The following MAPRE2 variants were observed in gnomAD, a reference collection of about 807,000 sequenced individuals.
MAPRE2 encodes the protein microtubule associated protein RP/EB family member 2, also known as microtubule-associated protein RP/EB family member 2.
Under a neutral mutation model 43.2 loss-of-function variants are expected in MAPRE2, and 13 were observed. That is an observed-to-expected ratio of 0.30 (90% CI 0.20 to 0.48). MAPRE2 has a LOEUF of 0.48. Among genes scored for constraint, MAPRE2 ranks in the 20% least tolerant of loss-of-function variants. The pLI is 0.99. For missense variants in MAPRE2, 161 were observed against 400.2 expected (o/e 0.40, Z 5.10); for synonymous variants, 135 against 148.8 (o/e 0.91, Z 0.68).
rs1371443837 is a variant in MAPRE2, at chr18:34,983,871, C to A, written c.-70+6792C>A. Reference sequence around the variant, plus strand: ...TCTCAAACTCCTGACTTCAAGTGATCCACCCGCCTCAGCCCCCTTAAGTGC... The same window carrying A: ...TCTCAAACTCCTGACTTCAAGTGATACACCCGCCTCAGCCCCCTTAAGTGC... On this transcript the variant is annotated intron_variant, in intron 1 of 7. Transcript: ENST00000413393. Among the ~76,000 whole-genome samples the A allele has an allele frequency of 7.2e-5, 11 of 152,104 alleles. 1 individual carries two copies. Among genetic ancestry groups the A allele is most frequent in the Admixed American group, 6.6e-4 (10 of 15,262 alleles).
intron 1 of MAPRE2, among the ~76,000 whole-genome samples, chr18:35,046,983 T>A (rs1481555166): frequency 6.6e-6 from 1 of 152,170 alleles, no homozygotes. Flanking sequence ...TCTGGTTCAT[T>A]ATGAAGCATC....
upstream of MAPRE2, among the ~76,000 whole-genome samples, chr18:35,038,755 A>G (rs1045450036): frequency 6.6e-6 from 1 of 152,150 alleles, no homozygotes; most frequent in African/African-American, 2.4e-5. Flanking sequence ...CTGATTTATG[A>G]GGAGAGGAAT....
In MAPRE2 at chr18:35,011,766, G is replaced by T. The variant is rs145476530; in HGVS notation, c.-8+6213G>T. ...AAGGAAAAAAACCACAGTTACTTTT[G>T]CACCAACCTAATAGAAAGGACTGGG... On this transcript the variant is annotated intron_variant, in intron 2 of 7. Transcript: ENST00000413393. Among the ~76,000 whole-genome samples, 351 of 152,284 alleles carry T rather than the reference G, an allele frequency of 2.3e-3. 3 individuals carry two copies. Among genetic ancestry groups the T allele is most frequent in the African/African-American group, 8.0e-3 (334 of 41,568 alleles).
At chr18:35,119,204 T>G (rs1909562038) in intron 4 of MAPRE2, among the ~76,000 whole-genome samples, 1 of 152,180 alleles carries the variant, frequency 6.6e-6, no homozygotes, top group Admixed American at 6.5e-5. Flanking sequence ...ACCTCCGTTC[T>G]TCTGGGTGGC....
chr18:35,050,149 G>GT (rs958913131), intron 1 of MAPRE2, among the ~76,000 whole-genome samples: 25 of 148,740 alleles, frequency 1.7e-4, no homozygotes, highest in South Asian at 2.1e-4. Context: ...ACCTTTTTAT[G>GT]TTTTTTTTTT....
In MAPRE2 at chr18:34,988,047, G is replaced by C. The variant is rs1220256919; in HGVS notation, c.-70+10968G>C. ...GTAAATTAGGTGGATCATAATTCCT[G>C]GCACTCAGATCACCAGCAAATCTCT... On this transcript the variant is annotated intron_variant, in intron 1 of 7. Coordinates refer to the MAPRE2 transcript ENST00000413393. Among the ~76,000 whole-genome samples the C allele has an allele frequency of 3.9e-5, 6 of 152,178 alleles. No homozygotes were observed. The East Asian group carries it at 9.6e-4, about 24-fold the overall frequency.
chr18:34,982,672 A>G (rs1343990486), intron 1 of MAPRE2, among the ~76,000 whole-genome samples: 1 of 152,228 alleles, frequency 6.6e-6, no homozygotes, highest in African/African-American at 2.4e-5. Context: ...GAATAGAATT[A>G]ATTGGTAAAT....
upstream of MAPRE2, among the ~76,000 whole-genome samples, chr18:35,040,250 C>T (rs1603392782): frequency 6.6e-6 from 1 of 152,184 alleles, no homozygotes; most frequent in Non-Finnish European, 1.5e-5. Context: ...GAGGACAGTA[C>T]TGAACATATG....
chr18:35,137,829 G>A (rs1029569106), intron 6 of MAPRE2, among the ~76,000 whole-genome samples: 1 of 152,194 alleles, frequency 6.6e-6, no homozygotes, highest in African/African-American at 2.4e-5. Flanking sequence ...TTATCTCGGG[G>A]CTGCAGGCAG....
intron 5 of MAPRE2, 22 bp downstream of exon 5, chr18:35,127,109 C>T (rs371890994): frequency 3.0e-5 from 49 of 1,613,678 alleles, no homozygotes; most frequent in African/African-American, 2.0e-4. Context: ...GCTCTGGCCA[C>T]GCCTCTAGGA....
At position 35,140,411 on chromosome 18, in the gene MAPRE2, C is replaced by T. The variant is rs978801933; in HGVS notation, c.*42C>T. On this transcript the variant is annotated 3_prime_UTR_variant, in exon 7 of 7. Coordinates refer to ENST00000300249, the MANE Select transcript of MAPRE2 (RefSeq NM_014268.4). ...TTGACACTTCCATTGTGTGTGGGAA[C>T]GTTTCTTCTGGAGAATTGGAACATG... 2.7e-5 allele frequency: 42 copies of T among 1,551,486 alleles called. No individual in the cohort carries two copies. Among genetic ancestry groups the T allele is most frequent in the Non-Finnish European group, 3.5e-5 (40 of 1,140,472 alleles).
At chr18:35,020,321 T>A (rs557545958) in intron 2 of MAPRE2, among the ~76,000 whole-genome samples, 1 of 152,136 alleles carries the variant, frequency 6.6e-6, no homozygotes. Flanking sequence ...TGGATGCTGA[T>A]GTGTTATTCT....
In MAPRE2 at chr18:35,081,064, G is replaced by A. The variant is rs1291787902; in HGVS notation, c.250+10742G>A. On this transcript the variant is annotated intron_variant, in intron 2 of 6. Transcript: ENST00000300249. The stretch of plus-strand genomic sequence containing the variant: ...TTTTCATTTCTTCTAGATTACATTT[G>A]TATGACAGCTCATGGAAGAACTTTA... Among the ~76,000 whole-genome samples the A allele has an allele frequency of 3.9e-5, 6 of 152,164 alleles. No individual in the cohort carries two copies. In the East Asian group the frequency reaches 1.2e-3, roughly 29 times the overall value.
At chr18:35,020,558 A>T (rs1413659225) in intron 2 of MAPRE2, among the ~76,000 whole-genome samples, 1 of 152,028 alleles carries the variant, frequency 6.6e-6, no homozygotes, top group African/African-American at 2.4e-5. Context: ...TGTCAAAAAA[A>T]AAAAAAATGT....
At chr18:34,982,227 A>G (rs2097016808) in intron 1 of MAPRE2, among the ~76,000 whole-genome samples, 1 of 152,112 alleles carries the variant, frequency 6.6e-6, no homozygotes, top group South Asian at 2.1e-4. Context: ...ACCAACCCCA[A>G]ACATGTTGAG....
chr18:35,014,366 C>T (rs556006063), intron 2 of MAPRE2, among the ~76,000 whole-genome samples: 12 of 148,850 alleles, frequency 8.1e-5, no homozygotes, highest in Admixed American at 2.7e-4. Flanking sequence ...TACAGTTGTG[C>T]TAGTCTCCCG....
rs559704575 is a variant in MAPRE2 at position 35,106,350 on chromosome 18, A to T, written c.610+4191A>T. 3.3e-3 allele frequency among the ~76,000 whole-genome samples: 390 copies of T among 119,088 alleles called. 1 individual carries two copies. Among genetic ancestry groups the T allele is most frequent in the African/African-American group, 0.021 (377 of 18,130 alleles). The allele number at this position is 119,088 out of a possible 152,430, so 78.1% of individuals were successfully genotyped here. ...AAAATTTCCTTAGGCCAATATTAAAATTAGCTTATGTCCTAACTATTATAC... is the reference window on the plus strand; with the variant it reads ...AAAATTTCCTTAGGCCAATATTAAATTTAGCTTATGTCCTAACTATTATAC... On this transcript the variant is annotated intron_variant, in intron 4 of 6. Transcript: ENST00000300249.
rs2097014706 is a variant in MAPRE2, at chr18:34,979,041, A to G, written c.-70+1962A>G. On this transcript the variant is annotated intron_variant, in intron 1 of 7. Transcript: ENST00000413393. ...GGCCAGCAGCAGCAGGCATTGCAAG[A>G]CAAGATGCCACTTTAACTACTTGGG... 2.0e-5 allele frequency among the ~76,000 whole-genome samples: 3 copies of G among 152,218 alleles called. 1 individual carries two copies. The highest frequency in any genetic ancestry group is 2.0e-4 in the Admixed American group (3 of 15,284).
At chr18:35,100,806 C>T (rs1180439117) in intron 3 of MAPRE2, among the ~76,000 whole-genome samples, 1 of 152,010 alleles carries the variant, frequency 6.6e-6, no homozygotes, top group Non-Finnish European at 1.5e-5. Context: ...TTTGGGAGGC[C>T]GAGGCGGGTG....
Sources: gnomAD v4.1 joint callset for allele counts (sites outside exome capture counted in the v4.1 genomes callset) on GRCh38, gnomAD v4.1.1 for gene constraint, MANE v1.5 for transcripts, NCBI Gene and HGNC (gene_info 2026-07-23, HGNC 2026-07-21) for gene names.